Variants in PRKG1 observed in about 807,000 individuals in gnomAD.
The protein encoded by PRKG1 is protein kinase cGMP-dependent 1.
In PRKG1, 35 loss-of-function variants were observed where a neutral mutation model predicts 88.1. That is an observed-to-expected ratio of 0.40 (90% confidence interval 0.30 to 0.53). PRKG1 has a LOEUF of 0.53. Ranked by LOEUF, PRKG1 falls within the 20% of genes least tolerant of loss-of-function variation. The pLI is 0.59. For missense variants in PRKG1, 540 were observed against 839.8 expected, an observed-to-expected ratio of 0.64 and a Z score of 4.41; for synonymous variants, 303 against 292.5, an observed-to-expected ratio of 1.04 and a Z score of -0.37.
chr10:51,146,043 G>A lies in PRKG1; in HGVS notation c.312-7121G>A, dbSNP rs143748587. ...AACAAACAAACAAACAAAAAAAACA[G>A]CCAGGCATGGTGGCAGGTGCCTGCA... On this transcript the variant is annotated intron_variant, in intron 1 of 17. Transcript: ENST00000373980. Among the ~76,000 whole-genome samples the A allele has an allele frequency of 5.6e-3, 846 of 152,042 alleles. 8 individuals carry two copies. Among genetic ancestry groups the A allele is most frequent in the African/African-American group, 0.019 (786 of 41,470 alleles).
At chr10:51,818,842 C>T (rs1214275421) in intron 4 of PRKG1, among the ~76,000 whole-genome samples, 1 of 124,644 alleles carries the variant, frequency 8.0e-6, no homozygotes, top group East Asian at 2.3e-4. Flanking sequence ...CCCGTCTCTA[C>T]TAAAAATACA....
intron 3 of PRKG1, among the ~76,000 whole-genome samples, chr10:51,472,964 A>G (rs1840088957): frequency 6.6e-6 from 1 of 151,962 alleles, no homozygotes; most frequent in Non-Finnish European, 1.5e-5. Context: ...TGGGCCAATG[A>G]TGAGTGGAAA....
In PRKG1 at chr10:51,604,089, CTT is replaced by C. The variant is rs11290534; in HGVS notation, c.592+136266_592+136267del. ...GGATTAATGAAGATCTGGTCCCTGC[CTT>C]TTTTTTTTTTTTCAGCCTTCTTAAC... On this transcript the variant is annotated intron_variant, in intron 3 of 17. Transcript: ENST00000373980. Among the ~76,000 whole-genome samples, 586 of 141,640 alleles carry C rather than the reference CTT, an allele frequency of 4.1e-3. 1 individual carries two copies. The highest frequency in any genetic ancestry group is 5.3e-3 in the Non-Finnish European group (343 of 65,072). The allele number at this position is 141,640 out of a possible 152,430, so 92.9% of individuals were successfully genotyped here.
At chr10:51,787,216 C>T (rs528478391) in intron 3 of PRKG1, among the ~76,000 whole-genome samples, 2 of 152,040 alleles carry the variant, frequency 1.3e-5, no homozygotes, top group African/African-American at 2.4e-5. Context: ...AAAGTTAAAG[C>T]CTTTTAAGTA....
intron 2 of PRKG1, among the ~76,000 whole-genome samples, chr10:51,294,522 G>T (rs1022570322): frequency 6.6e-6 from 1 of 152,080 alleles, no homozygotes; most frequent in African/African-American, 2.4e-5. Context: ...TCAGTTGATG[G>T]TAATGGGTGG....
chr10:51,562,789 G>A (rs946161452), intron 3 of PRKG1, among the ~76,000 whole-genome samples: 4 of 151,922 alleles, frequency 2.6e-5, no homozygotes, highest in Admixed American at 6.6e-5. Context: ...TTTATTTAGA[G>A]ACAGAGTCTC....
At chr10:51,327,525 G>T (rs535323946) in intron 2 of PRKG1, among the ~76,000 whole-genome samples, 1 of 151,754 alleles carries the variant, frequency 6.6e-6, no homozygotes, top group Non-Finnish European at 1.5e-5. Flanking sequence ...AAAATTGCAC[G>T]TACAGACATG....
chr10:51,582,363 A>C (rs1049937389), intron 3 of PRKG1, among the ~76,000 whole-genome samples: 2 of 152,030 alleles, frequency 1.3e-5, no homozygotes, highest in Non-Finnish European at 2.9e-5. Flanking sequence ...TGCAAGATGC[A>C]CAGGTTTGTT....
chr10:52,275,863 G>A (rs1157209389), intron 12 of PRKG1, among the ~76,000 whole-genome samples: 1 of 152,042 alleles, frequency 6.6e-6, no homozygotes, highest in Admixed American at 6.6e-5. Context: ...GCAGTGTTTT[G>A]TAGTTTTTCT....
chr10:51,722,024 G>A (rs1336186518), intron 3 of PRKG1, among the ~76,000 whole-genome samples: 1 of 152,170 alleles, frequency 6.6e-6, no homozygotes, highest in Non-Finnish European at 1.5e-5. Flanking sequence ...GAGGTCAGGA[G>A]TTCAAGACCA....
intron 3 of PRKG1, among the ~76,000 whole-genome samples, chr10:51,651,949 A>G (rs1239191995): frequency 6.6e-6 from 1 of 152,228 alleles, no homozygotes; most frequent in East Asian, 1.9e-4. Context: ...TGTGTCCTGT[A>G]AAGCTTTTAA....
At chr10:51,138,200 G>A (rs937871895) in intron 1 of PRKG1, among the ~76,000 whole-genome samples, 1 of 152,124 alleles carries the variant, frequency 6.6e-6, no homozygotes, top group African/African-American at 2.4e-5. Context: ...AGTGAAATGA[G>A]GTAGTCATTT....
chr10:51,832,668 T>C (rs1840031968), intron 4 of PRKG1, among the ~76,000 whole-genome samples: 1 of 152,166 alleles, frequency 6.6e-6, no homozygotes, highest in Admixed American at 6.6e-5. Context: ...ATTTTTTATG[T>C]GCATGTGCTT....
chr10:51,995,036 G>A (rs1473902895), intron 5 of PRKG1, among the ~76,000 whole-genome samples: 1 of 151,806 alleles, frequency 6.6e-6, no homozygotes, highest in African/African-American at 2.4e-5. Flanking sequence ...CTATTAATCG[G>A]CACTTAATAT....
At chr10:52,042,730 G>A (rs988865928) in intron 5 of PRKG1, among the ~76,000 whole-genome samples, 24 of 152,180 alleles carry the variant, frequency 1.6e-4, no homozygotes, top group African/African-American at 5.1e-4. Context: ...ATGAGATTAT[G>A]TCAAACTCAA....
intron 3 of PRKG1, among the ~76,000 whole-genome samples, chr10:51,595,420 G>C (rs1440539629): frequency 1.3e-5 from 2 of 152,096 alleles, no homozygotes; most frequent in Non-Finnish European, 2.9e-5. Context: ...CTTGAGGTCA[G>C]GAGTTCAAGA....
chr10:51,894,512 A>G (rs1841796156), intron 4 of PRKG1, among the ~76,000 whole-genome samples: 1 of 152,202 alleles, frequency 6.6e-6, no homozygotes, highest in Admixed American at 6.5e-5. Flanking sequence ...AATGCCATTT[A>G]GCTGTATACT....
intron 4 of PRKG1, among the ~76,000 whole-genome samples, chr10:51,874,026 C>G (rs1841228916): frequency 6.6e-6 from 1 of 152,022 alleles, no homozygotes; most frequent in South Asian, 2.1e-4. Flanking sequence ...TCTGTTTTAG[C>G]TACTTGATGG....
Position 52,060,090 on chromosome 10 carries a change from G to A in PRKG1, c.841-2447G>A, listed in dbSNP as rs896896337. 4.0e-5 allele frequency among the ~76,000 whole-genome samples: 6 copies of A among 151,894 alleles called. 1 individual carries two copies. The South Asian group carries it at 8.3e-4, about 21-fold the overall frequency. On this transcript the variant is annotated intron_variant, in intron 6 of 17. Coordinates refer to ENST00000373980, the MANE Select transcript of PRKG1 (RefSeq NM_006258.4). The stretch of plus-strand genomic sequence containing the variant: ...TGTGGACTTAATTTGACTGAAAACT[G>A]GACAAATATGTCAGTGTAAGAATGG...
Sources: allele counts gnomAD v4.1 joint callset (sites outside exome capture counted in the v4.1 genomes callset), GRCh38; gene constraint gnomAD v4.1.1; transcripts MANE v1.5; gene names NCBI Gene and HGNC (gene_info 2026-07-23, HGNC 2026-07-21).